The following DLGAP2 variants were observed in gnomAD, a reference collection of about 807,000 sequenced individuals.
The protein encoded by DLGAP2 is disks large-associated protein 2.
Under a neutral mutation model 100.3 loss-of-function variants are expected in DLGAP2, and 26 were observed. That is an observed-to-expected ratio of 0.26 (90% confidence interval 0.19 to 0.36). The LOEUF is 0.36. DLGAP2 is among the 10% of genes least tolerant of loss of function. The pLI is 1.00. For missense variants in DLGAP2, 1,858 were observed against 1,453.2 expected, an observed-to-expected ratio of 1.28 and a Z score of -4.53; for synonymous variants, 886 against 630.1, an observed-to-expected ratio of 1.41 and a Z score of -6.08.
chr8:1,129,343 T>A (rs1796238301), intron 2 of DLGAP2, among the ~76,000 whole-genome samples: 1 of 148,854 alleles, frequency 6.7e-6, no homozygotes, highest in African/African-American at 2.5e-5. Flanking sequence ...GCAGAGGTTG[T>A]AGCCAGCTGA....
intron 3 of DLGAP2, among the ~76,000 whole-genome samples, chr8:1,464,790 G>T (rs1049383223): frequency 6.6e-6 from 1 of 152,208 alleles, no homozygotes; most frequent in Non-Finnish European, 1.5e-5. Context: ...GAAGCACCGG[G>T]ACGTAGAGAG....
chr8:1,549,271 A>G lies in DLGAP2; in HGVS notation c.818A>G (p.Lys273Arg). ...GACCACCACCACGCCCACCACGCCA[A>G]GCACAGCAAGAGGAGCAAGAGCAAG... ...ADDHHHAHHA[K>R]HSKRSKSKER... The change falls in exon 5 of 15, where the codon AAG (lysine) becomes AGG (arginine). Residue 273 changes from lysine to arginine, a missense_variant. Coordinates refer to ENST00000637795, the MANE Select transcript of DLGAP2 (RefSeq NM_001346810.2). 1 of 1,611,692 alleles carries G rather than the reference A, an allele frequency of 6.2e-7. No homozygotes were observed. The highest frequency in any genetic ancestry group is 8.5e-7 in the Non-Finnish European group (1 of 1,179,516).
chr8:1,128,978 A>G (rs548464347), intron 2 of DLGAP2, among the ~76,000 whole-genome samples: 2 of 152,342 alleles, frequency 1.3e-5, no homozygotes, highest in South Asian at 4.1e-4. Flanking sequence ...GACGCTCCCC[A>G]CAGGAACTTA....
At chr8:1,267,431 C>T (rs112829476) in intron 3 of DLGAP2, among the ~76,000 whole-genome samples, 22 of 149,420 alleles carry the variant, frequency 1.5e-4, no homozygotes, top group African/African-American at 4.7e-4. Context: ...CCAGGTGTGG[C>T]GGCGGGCGCC....
chr8:949,379 T>C (rs1799417697), intron 2 of DLGAP2, among the ~76,000 whole-genome samples: 1 of 152,120 alleles, frequency 6.6e-6, no homozygotes, highest in African/African-American at 2.4e-5. Flanking sequence ...AGACAGTGTT[T>C]AGAGCCACGG....
At chr8:1,080,312 G>A (rs542781285) in intron 2 of DLGAP2, among the ~76,000 whole-genome samples, 4 of 151,708 alleles carry the variant, frequency 2.6e-5, no homozygotes, top group Admixed American at 2.0e-4. Flanking sequence ...GCTCTCCTCC[G>A]GGGGGCCGGC....
chr8:755,242 T>C (rs1240134974), intron 1 of DLGAP2, among the ~76,000 whole-genome samples: 6 of 152,154 alleles, frequency 3.9e-5, no homozygotes, highest in Non-Finnish European at 8.8e-5. Context: ...GTGAATTGCT[T>C]GAGCTCAGGA....
At chr8:1,007,842 A>C (rs899867018) in intron 2 of DLGAP2, among the ~76,000 whole-genome samples, 3 of 152,234 alleles carry the variant, frequency 2.0e-5, no homozygotes, top group Admixed American at 1.3e-4. Flanking sequence ...GTAACATAAA[A>C]ATTTATAAAC....
rs867281585 is a variant in DLGAP2, at chr8:1,446,138, T to C, written c.107-55228T>C. On this transcript the variant is annotated intron_variant, in intron 3 of 14. Transcript: ENST00000637795. ...ATTTTGGCTTTTGTTGCCATTGCTTTTGGTGTTTTAGACATGAAGTCCTTG... is the reference window on the plus strand; with the variant it reads ...ATTTTGGCTTTTGTTGCCATTGCTTCTGGTGTTTTAGACATGAAGTCCTTG... Among the ~76,000 whole-genome samples the C allele has an allele frequency of 1.8e-3, 278 of 152,188 alleles. 2 individuals are homozygous for C. The Middle Eastern group carries it at 0.031, about 17-fold the overall frequency.
chr8:1,271,227 G>T (rs1799576092), intron 3 of DLGAP2, among the ~76,000 whole-genome samples: 2 of 152,144 alleles, frequency 1.3e-5, no homozygotes, highest in African/African-American at 4.8e-5. Flanking sequence ...ACAGGCCTTG[G>T]TAAAAATCCA....
chr8:1,351,687 G>A (rs142319337), intron 3 of DLGAP2, among the ~76,000 whole-genome samples: 2 of 52,358 alleles, frequency 3.8e-5, no homozygotes, highest in East Asian at 2.1e-3. Flanking sequence ...CGGCCGTGTG[G>A]GTCCTGACTG....
At chr8:1,059,328 C>T (rs1293999290) in intron 2 of DLGAP2, among the ~76,000 whole-genome samples, 2 of 120,548 alleles carry the variant, frequency 1.7e-5, no homozygotes, top group Non-Finnish European at 1.7e-5. Context: ...ACTCTCCCTG[C>T]CTTCTCCGTG....
At chr8:1,640,614 A>G (rs1305989798) in intron 8 of DLGAP2, among the ~76,000 whole-genome samples, 2 of 152,134 alleles carry the variant, frequency 1.3e-5, no homozygotes. Flanking sequence ...GTTGCAAACT[A>G]AAGCCCAGGG....
chr8:906,715 A>G (rs976559073), intron 1 of DLGAP2, among the ~76,000 whole-genome samples: 1 of 152,126 alleles, frequency 6.6e-6, no homozygotes, highest in Non-Finnish European at 1.5e-5. Flanking sequence ...CCCTGCCCCG[A>G]CTGTCTCACC....
intron 4 of DLGAP2, among the ~76,000 whole-genome samples, chr8:1,527,960 C>A (rs1800850106): frequency 6.6e-6 from 1 of 151,668 alleles, no homozygotes; most frequent in African/African-American, 2.4e-5. Flanking sequence ...GTATTACATA[C>A]AATTTTCATG....
intron 2 of DLGAP2, among the ~76,000 whole-genome samples, chr8:1,143,867 A>T (rs183572283): frequency 3.4e-4 from 52 of 152,306 alleles, no homozygotes; most frequent in African/African-American, 1.2e-3. Flanking sequence ...GTCTGTGCAG[A>T]TGCAGCTTTC....
At chr8:1,678,875 A>C in intron 12 of DLGAP2, 1 of 438,280 alleles carries the variant, frequency 2.3e-6, no homozygotes, top group Non-Finnish European at 3.9e-6. Context: ...TAGAAAATCA[A>C]CTGTGCTAAC....
chr8:809,135 C>T (rs1017081657), intron 1 of DLGAP2, among the ~76,000 whole-genome samples: 1 of 152,048 alleles, frequency 6.6e-6, no homozygotes, highest in African/African-American at 2.4e-5. Flanking sequence ...GAATTCCTGG[C>T]CTCAAGTGAT....
At chr8:1,575,992 A>T (rs1292912515) in intron 6 of DLGAP2, among the ~76,000 whole-genome samples, 2 of 152,152 alleles carry the variant, frequency 1.3e-5, no homozygotes, top group African/African-American at 2.4e-5. Context: ...CAGTAATGGG[A>T]TGGCTGGGTC....
Sources: allele counts gnomAD v4.1 joint callset (sites outside exome capture counted in the v4.1 genomes callset), GRCh38; gene constraint gnomAD v4.1.1; transcripts MANE v1.5; gene names NCBI Gene and HGNC (gene_info 2026-07-23, HGNC 2026-07-21).